Variants in ANKRD44 observed in about 807,000 individuals in gnomAD.
ANKRD44 encodes the protein ankyrin repeat domain 44.
Under a neutral mutation model 116.0 loss-of-function variants are expected in ANKRD44, and 35 were observed. That is an observed-to-expected ratio of 0.30 (90% CI 0.23 to 0.40). The LOEUF is 0.40. Ranked by LOEUF, ANKRD44 falls within the 10% of genes least tolerant of loss-of-function variation. ANKRD44 has a pLI of 1.00. For missense variants in ANKRD44, 1,014 were observed against 1,242.6 expected (o/e 0.82, Z 2.77); for synonymous variants, 435 against 461.8 (o/e 0.94, Z 0.74).
Position 197,263,220 on chromosome 2 carries a change from C to G in ANKRD44, c.27+47358G>C, listed in dbSNP as rs1268457864. 3 of 504,606 alleles carry G rather than the reference C, an allele frequency of 5.9e-6. No homozygotes were observed. In the Admixed American group the frequency reaches 8.8e-5, roughly 15 times the overall value. 31.3% of individuals were successfully genotyped at this position (504,606 alleles called of 1,614,324 possible). A position where few individuals can be genotyped will look rare whatever the true frequency, so the allele number is the denominator to read the frequency against. ...GTGCTGAAATGACCAGAGACACTGA[C>G]AGGTGAGAACCTCAGCAGCTTGGTA... On this transcript the variant is annotated intron_variant, in intron 1 of 27. Transcript: ENST00000282272.
intron 1 of ANKRD44, among the ~76,000 whole-genome samples, chr2:197,233,961 T>C (rs944842236): frequency 6.6e-6 from 1 of 152,244 alleles, no homozygotes; most frequent in Admixed American, 6.5e-5. Context: ...ATTTTGCCTA[T>C]AGTTAACAAT....
intron 9 of ANKRD44, among the ~76,000 whole-genome samples, chr2:197,100,341 A>G: frequency 6.6e-6 from 1 of 152,230 alleles, no homozygotes; most frequent in East Asian, 1.9e-4. Flanking sequence ...AGGCTGAGGC[A>G]GGAGAATCGC....
intron 25 of ANKRD44, among the ~76,000 whole-genome samples, chr2:196,997,217 G>A (rs913691561): frequency 6.6e-6 from 1 of 151,730 alleles, no homozygotes; most frequent in Non-Finnish European, 1.5e-5. Context: ...AAGAGATACT[G>A]AACTTGTACT....
chr2:197,202,417 C>A (rs9288273), intron 1 of ANKRD44, among the ~76,000 whole-genome samples: 12,234 of 148,472 alleles, frequency 0.082, 1,652 homozygotes, highest in African/African-American at 0.28. Flanking sequence ...AAAAAAAAAA[C>A]CCAATAAGGG....
At chr2:197,130,487 C>T (rs748931223) in intron 4 of ANKRD44, among the ~76,000 whole-genome samples, 1 of 152,150 alleles carries the variant, frequency 6.6e-6, no homozygotes, top group Non-Finnish European at 1.5e-5. Flanking sequence ...TTTGAAAAGG[C>T]AAATTTCTGG....
rs779799155 is a variant in ANKRD44, at chr2:197,099,881, C to T, written c.1035G>A (p.Val345=). ...VDKDGNTPLH[V]AARYGHELLI... is the part of the protein sequence containing the mutation. The stretch of plus-strand genomic sequence containing the variant: ...AAAGCTCATGACCGTATCTTGCAGC[C>T]ACATGGAGAGGAGTGTTGCCGTCCT... Residue 345 remains valine (V), a synonymous_variant, in exon 10 of 28, where the codon GTG becomes GTA. Transcript: ENST00000282272. 3.7e-6 allele frequency: 6 copies of T among 1,614,140 alleles called. No homozygotes were observed. In the East Asian group the frequency reaches 8.9e-5, roughly 24 times the overall value.
At chr2:197,119,130 T>C (rs2078792821) in intron 8 of ANKRD44, among the ~76,000 whole-genome samples, 1 of 152,018 alleles carries the variant, frequency 6.6e-6, no homozygotes, top group Non-Finnish European at 1.5e-5. Flanking sequence ...TTTAATTTCA[T>C]GTTAGAGGTT....
intron 1 of ANKRD44, among the ~76,000 whole-genome samples, chr2:197,298,238 A>G (rs750465518): frequency 6.6e-6 from 1 of 152,246 alleles, no homozygotes; most frequent in African/African-American, 2.4e-5. Flanking sequence ...TTAAAAGTCA[A>G]TGTAAGAAAG....
At chr2:197,083,312 T>A in intron 14 of ANKRD44, 57 bp downstream of exon 14, 1 of 1,540,292 alleles carries the variant, frequency 6.5e-7, no homozygotes, top group Non-Finnish European at 8.8e-7. Flanking sequence ...TTAGCAATCC[T>A]TCCCCACCAC....
At chr2:197,165,387 A>C (rs917989999) in intron 2 of ANKRD44, among the ~76,000 whole-genome samples, 1 of 152,214 alleles carries the variant, frequency 6.6e-6, no homozygotes, top group South Asian at 2.1e-4. Context: ...ACAAGCCTTC[A>C]TCTTTAGTGA....
At chr2:197,301,698 T>C (rs2083911949) in intron 1 of ANKRD44, among the ~76,000 whole-genome samples, 1 of 152,228 alleles carries the variant, frequency 6.6e-6, no homozygotes, top group East Asian at 1.9e-4. Context: ...CATATACAGA[T>C]ACATATACAT....
intron 1 of ANKRD44, among the ~76,000 whole-genome samples, chr2:197,229,496 G>T (rs1189608497): frequency 6.6e-6 from 1 of 152,170 alleles, no homozygotes; most frequent in East Asian, 1.9e-4. Flanking sequence ...CACAGGGGAA[G>T]ATAGAAGACT....
At chr2:197,226,653 C>A (rs2081723203) in intron 1 of ANKRD44, among the ~76,000 whole-genome samples, 1 of 135,978 alleles carries the variant, frequency 7.4e-6, no homozygotes. Flanking sequence ...CAAGAGCAGA[C>A]TCCGTCTCAA....
intron 3 of ANKRD44, among the ~76,000 whole-genome samples, chr2:197,137,099 G>A (rs186077556): frequency 1.8e-3 from 272 of 152,192 alleles, no homozygotes; most frequent in African/African-American, 5.8e-3. Flanking sequence ...GAGTTCACCC[G>A]CCTTCCATGA....
intron 1 of ANKRD44, among the ~76,000 whole-genome samples, chr2:197,217,118 T>C (rs2081466069): frequency 6.6e-6 from 1 of 152,182 alleles, no homozygotes; most frequent in Admixed American, 6.5e-5. Flanking sequence ...TGAAAACAGA[T>C]AATTTCATTT....
intron 3 of ANKRD44, among the ~76,000 whole-genome samples, chr2:197,138,835 T>G (rs1412237567): frequency 6.6e-6 from 1 of 152,210 alleles, no homozygotes; most frequent in Admixed American, 6.5e-5. Flanking sequence ...ATTTTTATTA[T>G]AGTCTTTGGC....
intron 16 of ANKRD44, among the ~76,000 whole-genome samples, chr2:197,039,702 T>C (rs1294744809): frequency 1.3e-5 from 2 of 149,480 alleles, no homozygotes; most frequent in Non-Finnish European, 1.5e-5. Flanking sequence ...TGTGTGTGTG[T>C]GTGTGTGTGT....
intron 21 of ANKRD44, among the ~76,000 whole-genome samples, chr2:196,979,968 A>T (rs1334647036): frequency 6.6e-6 from 1 of 152,170 alleles, no homozygotes; most frequent in Non-Finnish European, 1.5e-5. Context: ...ACACTCTCAG[A>T]TCACCAGGCT....
At chr2:196,973,915 T>A (rs1412083267) in intron 21 of ANKRD44, among the ~76,000 whole-genome samples, 1 of 152,210 alleles carries the variant, frequency 6.6e-6, no homozygotes, top group Admixed American at 6.5e-5. Context: ...TTTTATGTTA[T>A]CTGTGAAGCC....
Sources: allele counts gnomAD v4.1 joint callset (sites outside exome capture counted in the v4.1 genomes callset), GRCh38; gene constraint gnomAD v4.1.1; transcripts MANE v1.5; gene names NCBI Gene and HGNC (gene_info 2026-07-23, HGNC 2026-07-21).